ZFPM2: variants seen among roughly 807,000 people sequenced by gnomAD.
ZFPM2 encodes zinc finger protein ZFPM2.
A neutral mutation model predicts 98.6 loss-of-function variants in ZFPM2; 20 were observed. The observed-to-expected ratio is 0.20, with a 90% CI of 0.14 to 0.29. The LOEUF (loss-of-function observed/expected upper bound fraction) is 0.29, where lower values mean the gene tolerates loss of function less well. ZFPM2 is among the 10% of genes least tolerant of loss of function. The pLI, the probability that ZFPM2 is intolerant of heterozygous loss-of-function variation, is 1.00. For missense variants in ZFPM2, 1,310 were observed against 1,388.6 expected, an observed-to-expected ratio of 0.94 and a Z score of 0.90; for synonymous variants, 518 against 502.7, an observed-to-expected ratio of 1.03 and a Z score of -0.41.
At chr8:105,751,779 C>T (rs2131053948) in intron 5 of ZFPM2, among the ~76,000 whole-genome samples, 1 of 150,730 alleles carries the variant, frequency 6.6e-6, no homozygotes, top group African/African-American at 2.4e-5. Context: ...GTAGATTTGA[C>T]CTTAGGTAGA....
chr8:105,717,160 T>A (rs1475028805), intron 5 of ZFPM2, among the ~76,000 whole-genome samples: 1 of 152,058 alleles, frequency 6.6e-6, no homozygotes, highest in Non-Finnish European at 1.5e-5. Context: ...ACTGTCCTGA[T>A]AAGAATCTGC....
At chr8:105,423,950 A>T (rs1023657936) in intron 2 of ZFPM2, among the ~76,000 whole-genome samples, 1 of 152,170 alleles carries the variant, frequency 6.6e-6, no homozygotes, top group African/African-American at 2.4e-5. Flanking sequence ...GAAGAATCAG[A>T]TCAATGTCAC....
intron 4 of ZFPM2, among the ~76,000 whole-genome samples, chr8:105,589,478 G>T (rs953604913): frequency 2.0e-5 from 3 of 152,130 alleles, no homozygotes; most frequent in Non-Finnish European, 4.4e-5. Context: ...AGAAATTAAG[G>T]ATTCATAATA....
intron 1 of ZFPM2, among the ~76,000 whole-genome samples, chr8:105,378,325 C>T (rs1409897865): frequency 1.3e-5 from 2 of 152,102 alleles, no homozygotes; most frequent in African/African-American, 4.8e-5. Flanking sequence ...TATTTTAATC[C>T]ATAGTTAAGA....
intron 1 of ZFPM2, among the ~76,000 whole-genome samples, chr8:105,329,953 A>T (rs1236743546): frequency 1.3e-5 from 2 of 151,922 alleles, no homozygotes; most frequent in African/African-American, 4.8e-5. Context: ...CTTTAAAAAA[A>T]TCTGTATTTG....
intron 4 of ZFPM2, among the ~76,000 whole-genome samples, chr8:105,595,464 A>T (rs1242318873): frequency 6.6e-6 from 1 of 152,142 alleles, no homozygotes; most frequent in Non-Finnish European, 1.5e-5. Context: ...TTACTGTCTC[A>T]GATGCCCACA....
At chr8:105,393,789 A>G (rs890188501) in intron 1 of ZFPM2, among the ~76,000 whole-genome samples, 22 of 152,276 alleles carry the variant, frequency 1.4e-4, no homozygotes, top group Non-Finnish European at 2.8e-4. Flanking sequence ...ATGTTACAAT[A>G]ATTAAAATAT....
chr8:105,655,770 G>A (rs1225972965), intron 5 of ZFPM2, among the ~76,000 whole-genome samples: 1 of 152,144 alleles, frequency 6.6e-6, no homozygotes, highest in East Asian at 1.9e-4. Context: ...ACAAAGCACT[G>A]TTCTGGACAC....
intron 5 of ZFPM2, among the ~76,000 whole-genome samples, chr8:105,674,158 T>A (rs1817647064): frequency 6.6e-6 from 1 of 152,230 alleles, no homozygotes; most frequent in African/African-American, 2.4e-5. Flanking sequence ...GCAGTTTTCC[T>A]GGTTATATTA....
chr8:105,351,952 G>A (rs1289231690), intron 1 of ZFPM2, among the ~76,000 whole-genome samples: 11 of 152,204 alleles, frequency 7.2e-5, no homozygotes, highest in African/African-American at 1.7e-4. Flanking sequence ...CTCAGAGCTC[G>A]TTAGAAATGC....
At chr8:105,768,766 T>C (rs997014325) in intron 5 of ZFPM2, among the ~76,000 whole-genome samples, 1 of 151,856 alleles carries the variant, frequency 6.6e-6, no homozygotes. Context: ...ATATCCACAG[T>C]TGAAGTCATG....
At chr8:105,588,591 TG>T (rs1815776596) in intron 4 of ZFPM2, among the ~76,000 whole-genome samples, 1 of 152,202 alleles carries the variant, frequency 6.6e-6, no homozygotes, top group Non-Finnish European at 1.5e-5. Context: ...CACTGCTCTG[TG>T]GGGTAGGACT....
At chr8:105,765,735 C>G (rs1345293160) in intron 5 of ZFPM2, among the ~76,000 whole-genome samples, 5 of 151,850 alleles carry the variant, frequency 3.3e-5, no homozygotes, top group Non-Finnish European at 7.4e-5. Flanking sequence ...AACATATTTT[C>G]AAGGTTCTCT....
At chr8:105,791,679 T>G (rs1447943182) in intron 6 of ZFPM2, among the ~76,000 whole-genome samples, 1 of 152,220 alleles carries the variant, frequency 6.6e-6, no homozygotes, top group Admixed American at 6.5e-5. Context: ...CAGTTCCTCC[T>G]TGTACCTCTG....
At chr8:105,326,594 T>C (rs1204566047) in intron 1 of ZFPM2, among the ~76,000 whole-genome samples, 1 of 151,730 alleles carries the variant, frequency 6.6e-6, no homozygotes, top group Non-Finnish European at 1.5e-5. Context: ...ATGCTATTTA[T>C]TATTTAATAT....
intron 1 of ZFPM2, among the ~76,000 whole-genome samples, chr8:105,411,412 C>G (rs1811575189): frequency 6.6e-6 from 1 of 151,686 alleles, no homozygotes; most frequent in Non-Finnish European, 1.5e-5. Context: ...TTATCTTATA[C>G]GTTGTTGTTA....
chr8:105,677,303 G>A (rs1359708859), intron 5 of ZFPM2, among the ~76,000 whole-genome samples: 1 of 151,706 alleles, frequency 6.6e-6, no homozygotes, highest in African/African-American at 2.4e-5. Context: ...CTTTACAAAT[G>A]AGGTTGAGGT....
chr8:105,777,442 T>A (rs749013356), intron 5 of ZFPM2, among the ~76,000 whole-genome samples: 18 of 152,300 alleles, frequency 1.2e-4, no homozygotes, highest in Non-Finnish European at 1.9e-4. Context: ...AAATCTGTCC[T>A]CTCCTTTGGT....
At chr8:105,496,821 AAAAATAC>A (rs1813478056) in intron 3 of ZFPM2, among the ~76,000 whole-genome samples, 1 of 149,974 alleles carries the variant, frequency 6.7e-6, no homozygotes, top group Admixed American at 6.6e-5. Flanking sequence ...TGTCTCTACT[AAAAATAC>A]AAAATTAGCT....
Sources: allele counts gnomAD v4.1 joint callset (sites outside exome capture counted in the v4.1 genomes callset), GRCh38; gene constraint gnomAD v4.1.1; transcripts MANE v1.5; gene names NCBI Gene and HGNC (gene_info 2026-07-23, HGNC 2026-07-21).